The following LPP variants were observed in gnomAD, a reference collection of about 807,000 sequenced individuals.
LPP encodes the protein lipoma-preferred partner.
Under a neutral mutation model 60.4 loss-of-function variants are expected in LPP, and 38 were observed. The observed-to-expected ratio is 0.63, with a 90% CI of 0.49 to 0.83. The LOEUF (loss-of-function observed/expected upper bound fraction) is 0.83, where lower values mean the gene tolerates loss of function less well. LPP is among the 40% of genes least tolerant of loss of function. The pLI is 0.00. For missense variants in LPP, 902 were observed against 783.6 expected, an observed-to-expected ratio of 1.15 and a Z score of -1.80; for synonymous variants, 328 against 290.8, an observed-to-expected ratio of 1.13 and a Z score of -1.30.
chr3:188,433,171 G>A (rs186789524), intron 4 of LPP, among the ~76,000 whole-genome samples: 36 of 152,242 alleles, frequency 2.4e-4, no homozygotes, highest in Non-Finnish European at 1.3e-4. Flanking sequence ...AGGAGGTGGC[G>A]TGGAGCTTTC....
intron 2 of LPP, among the ~76,000 whole-genome samples, chr3:188,240,504 T>A (rs1723970001): frequency 6.6e-6 from 1 of 152,258 alleles, no homozygotes; most frequent in Admixed American, 6.5e-5. Context: ...ACGTACTGAA[T>A]TTGACTGCTT....
chr3:188,819,027 C>CGT (rs59994224), intron 9 of LPP, among the ~76,000 whole-genome samples: 5,533 of 142,220 alleles, frequency 0.039, 131 homozygotes, highest in Middle Eastern at 0.064. Flanking sequence ...TCATGGGGGT[C>CGT]GTGTGTGTGT....
intron 7 of LPP, among the ~76,000 whole-genome samples, chr3:188,660,071 T>A (rs1308116361): frequency 6.6e-6 from 1 of 152,184 alleles, no homozygotes; most frequent in Non-Finnish European, 1.5e-5. Flanking sequence ...ATTTGTTTTT[T>A]AGTTTTAAAT....
chr3:188,451,934 A>G (rs920010280), intron 4 of LPP, among the ~76,000 whole-genome samples: 1 of 152,192 alleles, frequency 6.6e-6, no homozygotes, highest in Non-Finnish European at 1.5e-5. Context: ...ATGACAGTGA[A>G]CAAGACAGAA....
At chr3:188,570,098 T>G (rs554389690) in intron 6 of LPP, among the ~76,000 whole-genome samples, 1 of 151,528 alleles carries the variant, frequency 6.6e-6, no homozygotes, top group Non-Finnish European at 1.5e-5. Context: ...TTTGACCATA[T>G]CATTTCTAAC....
At chr3:188,549,499 C>T (rs1165572539) in intron 6 of LPP, among the ~76,000 whole-genome samples, 1 of 152,062 alleles carries the variant, frequency 6.6e-6, no homozygotes, top group South Asian at 2.1e-4. Context: ...CTGTAAGTAG[C>T]GATTTTAAAG....
intron 2 of LPP, among the ~76,000 whole-genome samples, chr3:188,291,645 CA>C (rs34001206): frequency 2.3e-3 from 220 of 96,732 alleles, no homozygotes; most frequent in Non-Finnish European, 3.5e-3. Context: ...GACTCTGTCT[CA>C]AAAAAAAAAA....
intron 6 of LPP, among the ~76,000 whole-genome samples, chr3:188,541,136 A>G (rs1515431): frequency 0.13 from 20,519 of 152,222 alleles, 1,704 homozygotes; most frequent in Middle Eastern, 0.2. Context: ...TGGCCTATTG[A>G]TGTAAGTTAT....
At chr3:188,263,187 G>A (rs1734286493) in intron 2 of LPP, among the ~76,000 whole-genome samples, 1 of 152,174 alleles carries the variant, frequency 6.6e-6, no homozygotes, top group East Asian at 1.9e-4. Context: ...CAGAGTCTGA[G>A]TGTACACAGA....
At chr3:188,264,788 C>CTCTG (rs1553843205) in intron 2 of LPP, among the ~76,000 whole-genome samples, 52 of 151,478 alleles carry the variant, frequency 3.4e-4, no homozygotes, top group Non-Finnish European at 6.0e-4. Flanking sequence ...CTCTCTCTCT[C>CTCTG]TGTGTGTGTC....
intron 7 of LPP, among the ~76,000 whole-genome samples, chr3:188,706,629 G>A (rs1560093816): frequency 6.6e-6 from 1 of 152,218 alleles, no homozygotes; most frequent in East Asian, 1.9e-4. Context: ...TCTTGGAGTT[G>A]TAGTAAATGT....
At chr3:188,860,216 A>G (rs1764856035) in intron 9 of LPP, among the ~76,000 whole-genome samples, 1 of 152,108 alleles carries the variant, frequency 6.6e-6, no homozygotes, top group Non-Finnish European at 1.5e-5. Context: ...TTGGGAAGCA[A>G]TCTTGATGAC....
intron 8 of LPP, among the ~76,000 whole-genome samples, chr3:188,756,681 C>T (rs182417086): frequency 7.2e-4 from 109 of 152,218 alleles, no homozygotes; most frequent in African/African-American, 2.6e-3. Flanking sequence ...ATGTGTGGGG[C>T]TATTTTTATG....
At chr3:188,195,774 A>G (rs1340170613) in intron 1 of LPP, among the ~76,000 whole-genome samples, 2 of 152,236 alleles carry the variant, frequency 1.3e-5, no homozygotes, top group Admixed American at 6.5e-5. Flanking sequence ...CATTTCTCCT[A>G]TGATTTCCTG....
chr3:188,862,714 A>G (rs1362361911), intron 9 of LPP, among the ~76,000 whole-genome samples: 1 of 120,240 alleles, frequency 8.3e-6, no homozygotes, highest in Non-Finnish European at 1.7e-5. Flanking sequence ...CTACTAGACA[A>G]AAAAATAAAT....
chr3:188,771,265 G>A (rs1326431587), intron 9 of LPP, among the ~76,000 whole-genome samples: 2 of 151,878 alleles, frequency 1.3e-5, no homozygotes, highest in Non-Finnish European at 2.9e-5. Flanking sequence ...AAAGAAAAAA[G>A]AGGCCGGGCA....
In LPP at chr3:188,730,572, A is replaced by G. The variant is rs569941776; in HGVS notation, c.1240+22179A>G. Among the ~76,000 whole-genome samples the G allele has an allele frequency of 3.3e-5, 5 of 152,332 alleles. No homozygotes were observed. In the East Asian group the frequency reaches 9.7e-4, roughly 29 times the overall value. ...TCATATTTAACCTTTGTTCAAATAC[A>G]TTAAGCCCTTTCTTCCCTTTGTCAT... On this transcript the variant is annotated intron_variant, in intron 8 of 11. Transcript: ENST00000617246.
At chr3:188,815,750 A>G (rs920791162) in intron 9 of LPP, among the ~76,000 whole-genome samples, 1 of 152,228 alleles carries the variant, frequency 6.6e-6, no homozygotes, top group Non-Finnish European at 1.5e-5. Flanking sequence ...TTACAGGGTC[A>G]GTCTATTTTC....
chr3:188,817,088 G>T (rs576314373), intron 9 of LPP, among the ~76,000 whole-genome samples: 2 of 152,316 alleles, frequency 1.3e-5, no homozygotes, highest in Non-Finnish European at 2.9e-5. Flanking sequence ...GAAAAGGCAG[G>T]ACTGCTTTCA....
Sources: allele counts gnomAD v4.1 joint callset (sites outside exome capture counted in the v4.1 genomes callset), GRCh38; gene constraint gnomAD v4.1.1; transcripts MANE v1.5; gene names NCBI Gene and HGNC (gene_info 2026-07-23, HGNC 2026-07-21).